STK10: variants seen among roughly 807,000 people sequenced by gnomAD.
STK10 encodes the protein serine/threonine-protein kinase 10.
In STK10, 78 loss-of-function variants were observed where a neutral mutation model predicts 113.8. That is an observed-to-expected ratio of 0.69 (90% CI 0.57 to 0.83). The LOEUF (loss-of-function observed/expected upper bound fraction) is 0.83. Among genes scored for constraint, STK10 ranks in the 40% least tolerant of loss-of-function variants. The pLI, the probability that STK10 is intolerant of heterozygous loss-of-function variation, is 0.00. For missense variants in STK10, 1,109 were observed against 1,280.1 expected (o/e 0.87, Z 2.04); for synonymous variants, 465 against 494.7 (o/e 0.94, Z 0.80).
chr5:172,087,626 T>TATTTA (rs1461858138), intron 10 of STK10, among the ~76,000 whole-genome samples: 4,090 of 99,330 alleles, frequency 0.041, 790 homozygotes, highest in African/African-American at 0.19. Context: ...CTTATTTATT[T>TATTTA]TTTTTTTTTT....
At chr5:172,067,782 G>A (rs559517609) in intron 12 of STK10, among the ~76,000 whole-genome samples, 2 of 151,866 alleles carry the variant, frequency 1.3e-5, no homozygotes. Context: ...GAATGATAGA[G>A]AGAAAAAAAG....
chr5:172,083,679 A>C (rs1176835205), intron 10 of STK10, among the ~76,000 whole-genome samples: 1 of 151,934 alleles, frequency 6.6e-6, no homozygotes, highest in East Asian at 1.9e-4. Flanking sequence ...AGGCCAAAGC[A>C]GAAGAATCAC....
intron 2 of STK10, among the ~76,000 whole-genome samples, chr5:172,144,231 C>T (rs903532571): frequency 6.6e-6 from 1 of 152,242 alleles, no homozygotes. Context: ...CTCCAAGACA[C>T]ACGGACAGCC....
chr5:172,175,103 A>G (rs1252983421), intron 1 of STK10, among the ~76,000 whole-genome samples: 1 of 152,008 alleles, frequency 6.6e-6, no homozygotes, highest in African/African-American at 2.4e-5. Context: ...GCAGCCTTGA[A>G]TTCCTGGCCT....
rs1770974960 is a variant in STK10, at chr5:172,187,530, G to C, written c.156+357C>G. On this transcript the variant is annotated intron_variant, in intron 1 of 18. Coordinates refer to ENST00000176763, the MANE Select transcript of STK10 (RefSeq NM_005990.4). The surrounding 1 kb of genome is among the most constrained non-coding windows in gnomAD (Gnocchi z 4.6). The stretch of plus-strand genomic sequence containing the variant: ...AGTGTGCCCGTATCGCCGTTTTACG[G>C]AACGTCCCTGGAAGGTCCCTCGAGT... 6.6e-6 allele frequency among the ~76,000 whole-genome samples: 1 copy of C among 152,138 alleles called. No homozygotes were observed. The highest frequency in any genetic ancestry group is 6.5e-5 in the Admixed American group (1 of 15,276).
rs1159792976 is a variant in STK10, at chr5:172,093,972, T to C, written c.1006-12A>G. 10 of 1,390,076 alleles carry C rather than the reference T, an allele frequency of 7.2e-6. No homozygotes were observed. The South Asian group carries it at 1.4e-4, about 20-fold the overall frequency. 86.1% of individuals were successfully genotyped at this position (1,390,076 alleles called of 1,614,324 possible). A position where few individuals can be genotyped will look rare whatever the true frequency, so the allele number is the denominator to read the frequency against. On this transcript the variant is annotated splice_polypyrimidine_tract_variant and intron_variant, in intron 8 of 18. Transcript: ENST00000176763. This position sits in a 1 kb window ranked among gnomAD's most constrained non-coding sequence, Gnocchi z 4.1. ...TGGTTCTCCAGGGTCTAGAAAAATA[T>C]ATATATATATATTAAAGGCCATGCT...
chr5:172,086,732 G>C (rs1219051056), intron 10 of STK10, among the ~76,000 whole-genome samples: 1 of 152,192 alleles, frequency 6.6e-6, no homozygotes, highest in Non-Finnish European at 1.5e-5. Context: ...GTGGTCTGGT[G>C]GCCTGGCCTA....
At chr5:172,141,582 C>CAA (rs71310034) in intron 2 of STK10, among the ~76,000 whole-genome samples, 13,661 of 116,442 alleles carry the variant, frequency 0.12, 748 homozygotes, top group Middle Eastern at 0.19. Context: ...GACCCTGTCT[C>CAA]AAAAAAAAAA....
At chr5:172,071,713 A>G (rs756001063) in intron 12 of STK10, among the ~76,000 whole-genome samples, 13 of 152,034 alleles carry the variant, frequency 8.6e-5, no homozygotes, top group Non-Finnish European at 1.8e-4. Flanking sequence ...GCTCCCTTTA[A>G]AAGAGTCTCC....
At chr5:172,141,241 G>A (rs1431463277) in intron 2 of STK10, among the ~76,000 whole-genome samples, 5 of 152,146 alleles carry the variant, frequency 3.3e-5, no homozygotes, top group African/African-American at 1.2e-4. Flanking sequence ...GTTAAAATGT[G>A]TTTAAAGGGT....
In STK10 at chr5:172,044,650, T is replaced by C; in HGVS notation, c.*232A>G. On this transcript the variant is annotated 3_prime_UTR_variant, in exon 19 of 19. Transcript: ENST00000176763. This position sits in a 1 kb window ranked among gnomAD's most constrained non-coding sequence, Gnocchi z 4.5. The stretch of plus-strand genomic sequence containing the variant: ...AGGGATCTGGGGCTCAAGGAGAATA[T>C]ACATTAGGTTCAGGTGACAAATAAT... 1.6e-6 allele frequency: 1 copy of C among 618,646 alleles called. No homozygotes were observed. Among genetic ancestry groups the C allele is most frequent in the Non-Finnish European group, 2.8e-6 (1 of 358,228 alleles). The allele number at this position is 618,646 out of a possible 1,614,324, so 38.3% of individuals were successfully genotyped here.
chr5:172,061,096 G>A (rs753082711), intron 14 of STK10, 43 bp downstream of exon 14: 9 of 1,564,684 alleles, frequency 5.8e-6, no homozygotes, highest in Non-Finnish European at 6.9e-6. Flanking sequence ...GATGTCCACA[G>A]CGACTCTGGG....
chr5:172,107,696 C>A, intron 5 of STK10, 84 bp downstream of exon 5: 1 of 1,067,870 alleles, frequency 9.4e-7, no homozygotes, highest in African/African-American at 3.1e-5. Flanking sequence ...GTCTTCCGGC[C>A]CCTCTCTGTC....
chr5:172,103,638 C>T (rs1185077489), intron 7 of STK10, among the ~76,000 whole-genome samples: 2 of 152,140 alleles, frequency 1.3e-5, no homozygotes, highest in Non-Finnish European at 2.9e-5. Flanking sequence ...AAAATGAGGC[C>T]TTTGGGCACT....
chr5:172,112,754 C>CT (rs143594504), intron 4 of STK10, among the ~76,000 whole-genome samples: 11,242 of 149,042 alleles, frequency 0.075, 551 homozygotes, highest in Middle Eastern at 0.15. Flanking sequence ...CACTTTTATT[C>CT]TTTTTTTTTC....
chr5:172,068,570 A>T (rs1351509241), intron 12 of STK10, among the ~76,000 whole-genome samples: 1 of 152,176 alleles, frequency 6.6e-6, no homozygotes, highest in African/African-American at 2.4e-5. Context: ...CATAATCAAC[A>T]CTTTTTCCCT....
At chr5:172,177,955 A>G (rs1271907795) in intron 1 of STK10, among the ~76,000 whole-genome samples, 2 of 152,136 alleles carry the variant, frequency 1.3e-5, no homozygotes, top group Admixed American at 6.5e-5. Context: ...CAGCCTCCCA[A>G]GTAGCTGGGA....
intron 12 of STK10, among the ~76,000 whole-genome samples, chr5:172,078,619 T>TAAAA (rs58823824): frequency 1.0e-3 from 73 of 72,834 alleles, no homozygotes; most frequent in African/African-American, 2.3e-3. Context: ...GCCTCATCAT[T>TAAAA]AAAAAAAAAA....
At chr5:172,163,121 G>A (rs1413908394) in intron 1 of STK10, among the ~76,000 whole-genome samples, 2 of 152,156 alleles carry the variant, frequency 1.3e-5, no homozygotes, top group East Asian at 1.9e-4. Context: ...GATGTAATAC[G>A]GCTGATGATA....
Sources: gnomAD v4.1 joint callset for allele counts (sites outside exome capture counted in the v4.1 genomes callset) on GRCh38, gnomAD v4.1.1 for gene constraint, Gnocchi (gnomAD v3.1) non-coding constraint, MANE v1.5 for transcripts, NCBI Gene and HGNC (gene_info 2026-07-23, HGNC 2026-07-21) for gene names.